PPFIBP2: variants seen among roughly 807,000 people sequenced by gnomAD.
PPFIBP2 encodes liprin-beta-2.
A neutral mutation model predicts 118.3 loss-of-function variants in PPFIBP2; 118 were observed. The observed-to-expected ratio is 1.00, with a 90% CI of 0.86 to 1.16. PPFIBP2 has a LOEUF of 1.16. Ranked by LOEUF, PPFIBP2 falls within the 50% of genes most tolerant of loss-of-function variation. The pLI, the probability that PPFIBP2 is intolerant of heterozygous loss-of-function variation, is 0.00. For synonymous variants in PPFIBP2, 414 were observed against 397.4 expected (o/e 1.04, Z -0.50); for missense variants, 1,195 against 1,073.1 (o/e 1.11, Z -1.59).
At position 7,599,389 on chromosome 11, in the gene PPFIBP2, A is replaced by C. The variant is rs78949255; in HGVS notation, c.486+1716A>C. On this transcript the variant is annotated intron_variant, in intron 5 of 23. Coordinates refer to ENST00000299492, the MANE Select transcript of PPFIBP2 (RefSeq NM_003621.5). ...GGCTATGCTGGGAGAGTAACCACATAATCAGAGGTCAACAGAATGCTGCAT... is the reference window on the plus strand; with the variant it reads ...GGCTATGCTGGGAGAGTAACCACATCATCAGAGGTCAACAGAATGCTGCAT... Among the ~76,000 whole-genome samples the C allele has an allele frequency of 9.8e-3, 1,494 of 152,262 alleles. 27 individuals are homozygous for C. The highest frequency in any genetic ancestry group is 0.035 in the African/African-American group (1,441 of 41,532).
chr11:7,613,818 A>G (rs1227809320), intron 6 of PPFIBP2, among the ~76,000 whole-genome samples: 1 of 152,242 alleles, frequency 6.6e-6, no homozygotes, highest in Non-Finnish European at 1.5e-5. Flanking sequence ...TAGCTATCAG[A>G]GCAGCCTGTT....
intron 23 of PPFIBP2, 116 bp downstream of exon 23, chr11:7,651,960 T>C (rs1194168071): frequency 9.9e-7 from 1 of 1,012,268 alleles, no homozygotes; most frequent in Non-Finnish European, 1.4e-6. Flanking sequence ...ACAAAGAGGA[T>C]CTTTCAGCTT....
At chr11:7,663,524 A>T in the PPFIBP2 span, among the ~76,000 whole-genome samples, 156 of 152,254 alleles carry the variant, frequency 1.0e-3, 1 homozygote, top group African/African-American at 1.9e-3. Flanking sequence ...TGCAGCTGCG[A>T]GCTGGGAGAA....
At position 7,625,800 on chromosome 11, in the gene PPFIBP2, A is replaced by G; in HGVS notation, c.735A>G (p.Glu245=). Residue 245 remains glutamate, a synonymous_variant, in exon 8 of 24, where the codon GAA becomes GAG. Coordinates refer to ENST00000299492, the MANE Select transcript of PPFIBP2 (RefSeq NM_003621.5). ...AGGCTGAAGTCGCCCAGCTGCAAGA[A>G]CAGGTGGCCCTGAAAGATGCAGAAA... ...ATKAEVAQLQ[E]QVALKDAEIE... is the part of the protein sequence containing the mutation. 2 of 1,614,186 alleles carry G rather than the reference A, an allele frequency of 1.2e-6. No individual in the cohort carries two copies. Among genetic ancestry groups the G allele is most frequent in the Non-Finnish European group, 1.7e-6 (2 of 1,180,010 alleles).
chr11:7,666,339 C>T, the PPFIBP2 span: 2 of 705,624 alleles, frequency 2.8e-6, no homozygotes, highest in Non-Finnish European at 5.0e-6. Flanking sequence ...CAGGCTTAAC[C>T]CCCACATCTG....
intron 2 of PPFIBP2, among the ~76,000 whole-genome samples, chr11:7,553,229 A>ATT (rs11464732): frequency 5.9e-4 from 89 of 151,632 alleles, no homozygotes; most frequent in African/African-American, 2.0e-3. Flanking sequence ...AATTATTATT[A>ATT]TTTTTTTTGA....
intron 4 of PPFIBP2, among the ~76,000 whole-genome samples, chr11:7,595,415 T>G (rs565489797): frequency 6.6e-6 from 1 of 152,360 alleles, no homozygotes; most frequent in South Asian, 2.1e-4. Context: ...AAATAGCACA[T>G]TCCTATTTAC....
intron 20 of PPFIBP2, 87 bp from the exon 21 acceptor site, chr11:7,649,445 T>C: frequency 6.5e-7 from 1 of 1,547,144 alleles, no homozygotes; most frequent in Non-Finnish European, 8.9e-7. Context: ...TGTGGTTGAC[T>C]TGTCTATGCT....
chr11:7,600,916 C>T lies in PPFIBP2; in HGVS notation c.486+3243C>T, dbSNP rs114358444. ...TTTTTAAAATGCTGTGTGAATCATA[C>T]AGTACATACCTATAGGTCAAGCCTG... On this transcript the variant is annotated intron_variant, in intron 5 of 23. Transcript: ENST00000299492. Among the ~76,000 whole-genome samples, 953 of 152,312 alleles carry T rather than the reference C, an allele frequency of 6.3e-3. 9 individuals carry two copies. Among genetic ancestry groups the T allele is most frequent in the African/African-American group, 0.021 (893 of 41,558 alleles).
At chr11:7,522,056 T>TGTTCAGGATG (rs1849805375) in intron 1 of PPFIBP2, among the ~76,000 whole-genome samples, 1 of 152,100 alleles carries the variant, frequency 6.6e-6, no homozygotes, top group South Asian at 2.1e-4. Flanking sequence ...GTGGTAAAAC[T>TGTTCAGGATG]GTTCAGGATG....
intron 6 of PPFIBP2, among the ~76,000 whole-genome samples, chr11:7,611,383 G>T (rs1848054944): frequency 6.6e-6 from 1 of 152,220 alleles, no homozygotes; most frequent in African/African-American, 2.4e-5. Context: ...GTTCCCTTCT[G>T]ATAAGTGCCA....
At chr11:7,610,489 A>G (rs1414466653) in intron 6 of PPFIBP2, 67 bp downstream of exon 6, 2 of 1,582,626 alleles carry the variant, frequency 1.3e-6, no homozygotes, top group Non-Finnish European at 1.7e-6. Context: ...AATTTAGGCC[A>G]TCTGGTCAAC....
intron 5 of PPFIBP2, among the ~76,000 whole-genome samples, chr11:7,608,288 G>C (rs1329098282): frequency 1.3e-5 from 2 of 152,138 alleles, no homozygotes; most frequent in African/African-American, 4.8e-5. Flanking sequence ...CTCTGTTTGG[G>C]AAACTGTGAT....
chr11:7,559,986 G>A (rs1720827123), intron 2 of PPFIBP2, among the ~76,000 whole-genome samples: 1 of 152,084 alleles, frequency 6.6e-6, no homozygotes, highest in South Asian at 2.1e-4. Context: ...TGTGGGTAAG[G>A]GGGACTCCTG....
intron 5 of PPFIBP2, among the ~76,000 whole-genome samples, chr11:7,601,922 C>T (rs1210859027): frequency 1.3e-5 from 2 of 151,436 alleles, no homozygotes; most frequent in East Asian, 1.9e-4. Flanking sequence ...GGTGAAACCC[C>T]GTCTCTACTA....
intron 4 of PPFIBP2, 62 bp downstream of exon 4, chr11:7,593,286 A>G: frequency 1.9e-6 from 3 of 1,572,438 alleles, no homozygotes; most frequent in Non-Finnish European, 1.7e-6. Context: ...GCTTCCCCTA[A>G]GTGGAAGGGA....
At chr11:7,574,492 A>T (rs1271278990) in intron 3 of PPFIBP2, among the ~76,000 whole-genome samples, 1 of 152,226 alleles carries the variant, frequency 6.6e-6, no homozygotes, top group Non-Finnish European at 1.5e-5. Flanking sequence ...CTGTTCTGAT[A>T]ATCTGACAAC....
intron 14 of PPFIBP2, among the ~76,000 whole-genome samples, chr11:7,638,109 T>G (rs74557280): frequency 0.022 from 3,295 of 152,350 alleles, 117 homozygotes; most frequent in African/African-American, 0.076. Context: ...TGGGTCTGAC[T>G]GCATTAGTAT....
chr11:7,549,303 G>A, intron 1 of PPFIBP2, 137 bp from the exon 2 acceptor site: 1 of 754,350 alleles, frequency 1.3e-6, no homozygotes, highest in Non-Finnish European at 2.2e-6. Flanking sequence ...CCATGGAGAT[G>A]CAGAAACTAC....
Sources: gnomAD v4.1 joint callset for allele counts (sites outside exome capture counted in the v4.1 genomes callset) on GRCh38, gnomAD v4.1.1 for gene constraint, MANE v1.5 for transcripts, NCBI Gene and HGNC (gene_info 2026-07-23, HGNC 2026-07-21) for gene names.